The following TENM2 variants were observed in gnomAD, a reference collection of about 807,000 sequenced individuals.
The protein encoded by TENM2 is teneurin-2.
In TENM2, 52 loss-of-function variants were observed where a neutral mutation model predicts 245.2. The ratio of observed to expected loss-of-function variants is 0.21; its 90% CI spans 0.17 to 0.27. TENM2 has a LOEUF of 0.27. Among genes scored for constraint, TENM2 ranks in the 10% least tolerant of loss-of-function variants. The probability of loss-of-function intolerance (pLI) is 1.00; values close to 1 mark genes in which losing one functional copy is unlikely to be tolerated. For missense variants in TENM2, 3,046 were observed against 3,666.8 expected, an observed-to-expected ratio of 0.83 and a Z score of 4.37; for synonymous variants, 1,363 against 1,438.9, an observed-to-expected ratio of 0.95 and a Z score of 1.19.
intron 2 of TENM2, among the ~76,000 whole-genome samples, chr5:167,781,829 C>T (rs1582995514): frequency 6.6e-6 from 1 of 151,724 alleles, no homozygotes; most frequent in South Asian, 2.1e-4. Flanking sequence ...CCAGTCTGGA[C>T]AACATGACAA....
intron 25 of TENM2, among the ~76,000 whole-genome samples, chr5:168,229,035 TTA>T (rs1485943966): frequency 2.7e-5 from 4 of 148,088 alleles, no homozygotes; most frequent in African/African-American, 7.3e-5. Flanking sequence ...ATACATTACA[TTA>T]TATATAATTA....
intron 9 of TENM2, among the ~76,000 whole-genome samples, chr5:168,107,111 CCT>C (rs1271637635): frequency 6.6e-6 from 1 of 152,038 alleles, no homozygotes; most frequent in East Asian, 1.9e-4. Context: ...ATGCTGTTAC[CCT>C]CTCTCTTCCC....
rs1047496883 is a variant in TENM2 at position 167,925,263 on chromosome 5, A to C, written c.713-27325A>C. 7.0e-4 allele frequency among the ~76,000 whole-genome samples: 107 copies of C among 152,242 alleles called. 1 individual carries two copies. The highest frequency in any genetic ancestry group is 6.9e-3 in the Admixed American group (105 of 15,284). On this transcript the variant is annotated intron_variant, in intron 3 of 28. Coordinates refer to ENST00000518659, the Ensembl canonical transcript of TENM2. ...CAAAAATGTTATGCTGAATGAAAGAAGTCAGACATAAAATAGTACTTGCTT... is the reference window on the plus strand; with the variant it reads ...CAAAAATGTTATGCTGAATGAAAGACGTCAGACATAAAATAGTACTTGCTT...
chr5:168,204,973 C>T (rs567314454), intron 19 of TENM2, among the ~76,000 whole-genome samples: 6 of 152,348 alleles, frequency 3.9e-5, no homozygotes, highest in Middle Eastern at 3.4e-3. Context: ...TATTGAGCAC[C>T]TCTATCTGGC....
chr5:167,618,447 G>T (rs1777939695), intron 2 of TENM2, among the ~76,000 whole-genome samples: 2 of 151,964 alleles, frequency 1.3e-5, no homozygotes. Flanking sequence ...CTTCTTCCTG[G>T]ACCTGCTTCC....
chr5:168,096,900 G>T (rs1456781961), intron 8 of TENM2, among the ~76,000 whole-genome samples: 1 of 152,144 alleles, frequency 6.6e-6, no homozygotes, highest in African/African-American at 2.4e-5. Flanking sequence ...GACTATTTCT[G>T]TGCAGACCCA....
chr5:167,095,192 A>C, the TENM2 span, among the ~76,000 whole-genome samples: 1 of 152,190 alleles, frequency 6.6e-6, no homozygotes, highest in Admixed American at 6.6e-5. Flanking sequence ...ATACATGAGG[A>C]GGATGACCGT....
chr5:167,067,133 C>G, the TENM2 span, among the ~76,000 whole-genome samples: 1 of 152,066 alleles, frequency 6.6e-6, no homozygotes, highest in Non-Finnish European at 1.5e-5. Flanking sequence ...TAAAATTGGT[C>G]TCGTATTTAT....
the TENM2 span, among the ~76,000 whole-genome samples, chr5:167,096,258 T>C: frequency 3.3e-5 from 5 of 152,244 alleles, no homozygotes; most frequent in Non-Finnish European, 5.9e-5. Context: ...CTCTCCTTGT[T>C]TGTGGCACAT....
intron 7 of TENM2, among the ~76,000 whole-genome samples, chr5:168,070,588 C>G (rs1200232979): frequency 4.0e-5 from 6 of 148,356 alleles, no homozygotes; most frequent in African/African-American, 1.2e-4. Context: ...CAAGACCGCC[C>G]TGGACAGCAA....
At chr5:167,851,120 C>G (rs1415064811) in intron 2 of TENM2, among the ~76,000 whole-genome samples, 1 of 151,950 alleles carries the variant, frequency 6.6e-6, no homozygotes, top group Non-Finnish European at 1.5e-5. Context: ...TTTTACTTCC[C>G]AACTTGGAAA....
At chr5:167,478,107 CA>C (rs1561988984) in intron 2 of TENM2, among the ~76,000 whole-genome samples, 1 of 152,120 alleles carries the variant, frequency 6.6e-6, no homozygotes. Flanking sequence ...ACCAGGAAAA[CA>C]TGAAGTTGCA....
At position 168,044,284 on chromosome 5, in the gene TENM2, G is replaced by A. The variant is rs577691425; in HGVS notation, c.1187-3143G>A. 3.3e-5 allele frequency among the ~76,000 whole-genome samples: 5 copies of A among 152,180 alleles called. No homozygotes were observed. The South Asian group carries it at 6.2e-4, about 19-fold the overall frequency. On this transcript the variant is annotated intron_variant, in intron 5 of 28. Transcript: ENST00000518659. ...CAAAAACAAAATTAGCCAAGCATGC[G>A]GGCGCCTGTAGTCCCAGATACTCGG...
chr5:167,885,971 C>G (rs1774255510), intron 3 of TENM2, among the ~76,000 whole-genome samples: 1 of 152,248 alleles, frequency 6.6e-6, no homozygotes, highest in Admixed American at 6.5e-5. Flanking sequence ...GCATGAGCCA[C>G]TGCACCCAGC....
the TENM2 span, among the ~76,000 whole-genome samples, chr5:167,223,003 A>G: frequency 1.3e-5 from 2 of 152,182 alleles, no homozygotes; most frequent in East Asian, 1.9e-4. Flanking sequence ...TATTAGGAAG[A>G]GAATAGTCTT....
intron 7 of TENM2, among the ~76,000 whole-genome samples, chr5:168,078,365 C>T (rs962896556): frequency 2.6e-5 from 4 of 152,056 alleles, no homozygotes; most frequent in Admixed American, 2.6e-4. Flanking sequence ...AAAATTTTCT[C>T]CCATTCTGTA....
intron 19 of TENM2, 80 bp downstream of exon 21, chr5:168,204,701 A>C: frequency 1.3e-6 from 2 of 1,539,406 alleles, no homozygotes; most frequent in Non-Finnish European, 1.8e-6. Context: ...CTGGGGCTGC[A>C]TTTGGGATTC....
At chr5:168,101,930 C>T (rs373081705) in intron 9 of TENM2, among the ~76,000 whole-genome samples, 2 of 152,252 alleles carry the variant, frequency 1.3e-5, no homozygotes, top group South Asian at 2.1e-4. Flanking sequence ...CCTTCTTTCC[C>T]AGTCTTTGAT....
chr5:167,983,087 C>T lies in TENM2; in HGVS notation c.948-9857C>T, dbSNP rs528937166. On this transcript the variant is annotated intron_variant, in intron 4 of 28. Transcript: ENST00000518659. ...GGTCAAATCTAAAGTCAAAGTCAGA[C>T]GTCTTTGTTTTTCTTCCCCTACTAT... 1.2e-4 allele frequency among the ~76,000 whole-genome samples: 18 copies of T among 147,748 alleles called. No individual in the cohort carries two copies. The South Asian group carries it at 2.2e-3, about 18-fold the overall frequency.
Sources: gnomAD v4.1 joint callset for allele counts (sites outside exome capture counted in the v4.1 genomes callset) on GRCh38, gnomAD v4.1.1 for gene constraint, MANE v1.5 for transcripts, NCBI Gene and HGNC (gene_info 2026-07-23, HGNC 2026-07-21) for gene names.